The following EML4 variants were observed in gnomAD, a reference collection of about 807,000 sequenced individuals.
The protein encoded by EML4 is echinoderm microtubule-associated protein-like 4.
EML4 carries 72 observed loss-of-function variants against 129.0 expected under a neutral mutation model. The ratio of observed to expected loss-of-function variants is 0.56; its 90% CI spans 0.46 to 0.68. The LOEUF (loss-of-function observed/expected upper bound fraction) is 0.68, where lower values mean the gene tolerates loss of function less well. Ranked by LOEUF, EML4 falls within the 30% of genes least tolerant of loss-of-function variation. The pLI is 0.00. For synonymous variants in EML4, 532 were observed against 405.0 expected (o/e 1.31, Z -3.77); for missense variants, 1,363 against 1,190.6 (o/e 1.14, Z -2.13).
In EML4 at chr2:42,261,118, C is replaced by G; in HGVS notation, c.339-3C>G. 3 of 1,591,996 alleles carry G rather than the reference C, an allele frequency of 1.9e-6. No homozygotes were observed. The highest frequency in any genetic ancestry group is 2.6e-6 in the Non-Finnish European group (3 of 1,166,910). Reference sequence around the variant, plus strand: ...TTGTTCCATGTTATACTTTATTTTACAGTGGTACAGAAAAAAAGAAAGAAA... The same window carrying G: ...TTGTTCCATGTTATACTTTATTTTAGAGTGGTACAGAAAAAAAGAAAGAAA... On this transcript the variant is annotated splice_polypyrimidine_tract_variant and splice_region_variant and intron_variant, in intron 3 of 22. Coordinates refer to ENST00000318522, the MANE Select transcript of EML4 (RefSeq NM_019063.5).
intron 1 of EML4, among the ~76,000 whole-genome samples, chr2:42,216,230 C>CCTTTTTT (rs1673177607): frequency 2.3e-5 from 1 of 43,356 alleles, no homozygotes; most frequent in African/African-American, 1.3e-4. Flanking sequence ...CGGCCCACTT[C>CCTTTTTT]TTTTTTTTTT....
At chr2:42,220,402 C>CGGTG (rs1169173479) in intron 1 of EML4, among the ~76,000 whole-genome samples, 2 of 152,138 alleles carry the variant, frequency 1.3e-5, no homozygotes, top group East Asian at 3.9e-4. Context: ...ATATCTCTTA[C>CGGTG]GGTGACCTGT....
At chr2:42,300,196 G>A (rs546249535) in intron 13 of EML4, among the ~76,000 whole-genome samples, 15 of 152,090 alleles carry the variant, frequency 9.9e-5, no homozygotes, top group Non-Finnish European at 2.2e-4. Flanking sequence ...GACTTACTTT[G>A]GCCATATTTC....
intron 1 of EML4, among the ~76,000 whole-genome samples, chr2:42,221,395 A>G (rs927333041): frequency 8.7e-6 from 1 of 115,072 alleles, no homozygotes; most frequent in African/African-American, 3.5e-5. Context: ...TGTTTACAAC[A>G]TGGTTTACTT....
intron 6 of EML4, among the ~76,000 whole-genome samples, chr2:42,273,815 G>T (rs532342412): frequency 1.3e-5 from 2 of 151,928 alleles, no homozygotes; most frequent in Admixed American, 6.6e-5. Flanking sequence ...AGTTTATTTG[G>T]TTATCTACAT....
At chr2:42,180,102 A>C (rs1362542711) in intron 1 of EML4, among the ~76,000 whole-genome samples, 1 of 152,210 alleles carries the variant, frequency 6.6e-6, no homozygotes, top group Admixed American at 6.5e-5. Context: ...TTCAAATGAA[A>C]AGTTTAAAAA....
intron 1 of EML4, among the ~76,000 whole-genome samples, chr2:42,200,886 C>T (rs1284303942): frequency 6.6e-6 from 1 of 152,102 alleles, no homozygotes; most frequent in Non-Finnish European, 1.5e-5. Context: ...GAAATGAGGG[C>T]CCACTTAGAA....
intron 16 of EML4, 121 bp downstream of exon 16, chr2:42,303,567 G>A: frequency 9.5e-7 from 1 of 1,052,896 alleles, no homozygotes; most frequent in Non-Finnish European, 1.4e-6. Context: ...ATATGGTTTA[G>A]TAATAGAGGG....
At chr2:42,209,029 A>G (rs969855315) in intron 1 of EML4, among the ~76,000 whole-genome samples, 3 of 152,180 alleles carry the variant, frequency 2.0e-5, no homozygotes, top group African/African-American at 4.8e-5. Flanking sequence ...CTAAGAGTCC[A>G]TCGCTAGACA....
intron 2 of EML4, among the ~76,000 whole-genome samples, chr2:42,247,307 A>AG (rs1675475445): frequency 6.6e-6 from 1 of 152,202 alleles, no homozygotes; most frequent in African/African-American, 2.4e-5. Context: ...CGTCAGTGGT[A>AG]GAAAAAAAGA....
intron 14 of EML4, among the ~76,000 whole-genome samples, 156 bp from the exon 15 acceptor site, chr2:42,302,948 T>C (rs1241384834): frequency 6.6e-6 from 1 of 152,232 alleles, no homozygotes; most frequent in Non-Finnish European, 1.5e-5. Context: ...AAAATGTCAT[T>C]GGACAAATAA....
chr2:42,306,484 C>CTTTTTTTTTTTTTTTTTTTTTTTTT lies in EML4; in HGVS notation c.1967+1935_1967+1959dup, dbSNP rs375707062. Among the ~76,000 whole-genome samples, 53 of 74,604 alleles carry CTTTTTTTTTTTTTTTTTTTTTTTTT rather than the reference C, an allele frequency of 7.1e-4. 12 individuals carry two copies. The highest frequency in any genetic ancestry group is 1.7e-3 in the East Asian group (3 of 1,790). 48.9% of individuals were successfully genotyped at this position (74,604 alleles called of 152,430 possible). On this transcript the variant is annotated intron_variant, in intron 17 of 22. Transcript: ENST00000318522. ...GTGTCTGATGACCTTGTGCTAAATCCTTTTTTTTTTTTTTTTTTTTTTTTT... is the reference window on the plus strand; with the variant it reads ...GTGTCTGATGACCTTGTGCTAAATCCTTTTTTTTTTTTTTTTTTTTTTTTTTTTTTTTTTTTTTTTTTTTTTTTTT...
Position 42,232,856 on chromosome 2 carries a change from C to A in EML4, c.26-12649C>A, listed in dbSNP as rs530036074. ...TCTCCTGCCTCAGCCTCCCTAGTAG[C>A]TGGGACTACAGGCGCCCGCCACAAC... On this transcript the variant is annotated intron_variant, in intron 1 of 22. Transcript: ENST00000318522. Among the ~76,000 whole-genome samples the A allele has an allele frequency of 2.1e-3, 325 of 152,094 alleles. 2 individuals carry two copies. Among genetic ancestry groups the A allele is most frequent in the African/African-American group, 7.4e-3 (308 of 41,546 alleles).
chr2:42,252,538 C>G (rs889158363), intron 2 of EML4, among the ~76,000 whole-genome samples: 7 of 152,116 alleles, frequency 4.6e-5, no homozygotes, highest in Non-Finnish European at 8.8e-5. Context: ...GTTCTTTATT[C>G]TTTATAGATA....
intron 1 of EML4, among the ~76,000 whole-genome samples, chr2:42,224,182 C>A (rs753388486): frequency 2.6e-5 from 4 of 152,056 alleles, no homozygotes; most frequent in Admixed American, 6.5e-5. Context: ...AAGAAGAAAT[C>A]CTGTATCCTT....
intron 17 of EML4, among the ~76,000 whole-genome samples, chr2:42,310,126 AAAAC>A (rs1558600217): frequency 6.6e-6 from 1 of 152,152 alleles, no homozygotes; most frequent in Non-Finnish European, 1.5e-5. Context: ...ACCATTTTTG[AAAAC>A]AAATTGGCCA....
rs10190240 is a variant in EML4, at chr2:42,191,116, G to A, written c.25+21480G>A. On this transcript the variant is annotated intron_variant, in intron 1 of 22. Coordinates refer to ENST00000318522, the MANE Select transcript of EML4 (RefSeq NM_019063.5). ...ATTGAAAGACAAAGTGATTGCATTC[G>A]TTGAATAGTAAGCCCTGATAAACTT... Among the ~76,000 whole-genome samples, 161 of 152,166 alleles carry A rather than the reference G, an allele frequency of 1.1e-3. 1 individual carries two copies. Among genetic ancestry groups the A allele is most frequent in the African/African-American group, 3.7e-3 (152 of 41,522 alleles).
At chr2:42,170,249 G>C (rs965681545) in intron 1 of EML4, 1 of 152,338 alleles carries the variant, frequency 6.6e-6, no homozygotes, top group African/African-American at 2.4e-5. Flanking sequence ...TTTTGCAGTG[G>C]TGGAGAGACC....
intron 17 of EML4, among the ~76,000 whole-genome samples, chr2:42,311,528 G>A (rs774722837): frequency 3.3e-5 from 5 of 151,706 alleles, no homozygotes; most frequent in African/African-American, 9.7e-5. Flanking sequence ...GCAACAGAGC[G>A]AGACCCTGTC....
Sources: allele counts gnomAD v4.1 joint callset (sites outside exome capture counted in the v4.1 genomes callset), GRCh38; gene constraint gnomAD v4.1.1; transcripts MANE v1.5; gene names NCBI Gene and HGNC (gene_info 2026-07-23, HGNC 2026-07-21).